The following NEGR1 variants were observed in gnomAD, a reference collection of about 807,000 sequenced individuals.
NEGR1 encodes the protein IgLON family member 4.
In NEGR1, 10 loss-of-function variants were observed where a neutral mutation model predicts 40.9. That is an observed-to-expected ratio of 0.24 (90% CI 0.15 to 0.42). The LOEUF (loss-of-function observed/expected upper bound fraction) is 0.42, where lower values mean the gene tolerates loss of function less well. Ranked by LOEUF, NEGR1 falls within the 10% of genes least tolerant of loss-of-function variation. The pLI is 1.00. For missense variants in NEGR1, 352 were observed against 438.9 expected, an observed-to-expected ratio of 0.80 and a Z score of 1.77; for synonymous variants, 185 against 166.8, an observed-to-expected ratio of 1.11 and a Z score of -0.84.
At chr1:71,510,672 T>C (rs961624478) in intron 6 of NEGR1, among the ~76,000 whole-genome samples, 5 of 152,166 alleles carry the variant, frequency 3.3e-5, no homozygotes, top group African/African-American at 7.2e-5. Flanking sequence ...TGTAACCACA[T>C]AGAACTCAAC....
At chr1:72,047,618 T>C (rs1226192240) in intron 1 of NEGR1, among the ~76,000 whole-genome samples, 3 of 151,482 alleles carry the variant, frequency 2.0e-5, no homozygotes, top group African/African-American at 7.3e-5. Flanking sequence ...TTCAGAGTTT[T>C]TTTTGAAAGG....
intron 6 of NEGR1, chr1:71,422,581 C>T (rs933324176): frequency 6.6e-6 from 1 of 152,198 alleles, no homozygotes; most frequent in African/African-American, 2.4e-5. Flanking sequence ...AAGTCACTTA[C>T]AGGACGTGAA....
chr1:71,667,877 A>C (rs1652293669), intron 4 of NEGR1, among the ~76,000 whole-genome samples: 1 of 152,200 alleles, frequency 6.6e-6, no homozygotes, highest in Admixed American at 6.5e-5. Flanking sequence ...ATCTTTGCTC[A>C]GAGCTTACAA....
At chr1:71,495,340 G>T (rs1034085851) in intron 6 of NEGR1, among the ~76,000 whole-genome samples, 1 of 152,030 alleles carries the variant, frequency 6.6e-6, no homozygotes, top group East Asian at 1.9e-4. Context: ...AGCCAGGCAT[G>T]GTGGCACAGG....
chr1:71,737,174 C>A (rs1655064812), intron 3 of NEGR1, among the ~76,000 whole-genome samples: 1 of 152,126 alleles, frequency 6.6e-6, no homozygotes, highest in South Asian at 2.1e-4. Flanking sequence ...GATTTTTCAA[C>A]TTTTGAAAAG....
intron 2 of NEGR1, among the ~76,000 whole-genome samples, chr1:71,812,576 T>A (rs1658041208): frequency 6.6e-6 from 1 of 152,142 alleles, no homozygotes; most frequent in Admixed American, 6.6e-5. Context: ...CTTGACTTTT[T>A]AATAATCACC....
chr1:72,221,514 T>G (rs1253899993), intron 1 of NEGR1, among the ~76,000 whole-genome samples: 20 of 152,104 alleles, frequency 1.3e-4, no homozygotes, highest in Admixed American at 1.2e-3. Flanking sequence ...ATTTTAGAAA[T>G]TAAAGGAAAC....
At position 72,138,414 on chromosome 1, in the gene NEGR1, A is replaced by C. The variant is rs112558566; in HGVS notation, c.176+143905T>G. ...AAATACAAGTGTTCTAAATACCTTG[A>C]TTCAGAGGCAAAGATTGTCAAATTT... On this transcript the variant is annotated intron_variant, in intron 1 of 6. Coordinates refer to ENST00000357731, the MANE Select transcript of NEGR1 (RefSeq NM_173808.3). 3.2e-3 allele frequency among the ~76,000 whole-genome samples: 489 copies of C among 152,120 alleles called. 3 individuals carry two copies. The highest frequency in any genetic ancestry group is 0.011 in the African/African-American group (470 of 41,552).
Position 72,004,396 on chromosome 1 carries a change from T to A in NEGR1, c.177-69085A>T, listed in dbSNP as rs747071989. 3.9e-4 allele frequency among the ~76,000 whole-genome samples: 59 copies of A among 152,072 alleles called. 1 individual carries two copies. Among genetic ancestry groups the A allele is most frequent in the Non-Finnish European group, 7.5e-4 (51 of 68,000 alleles). On this transcript the variant is annotated intron_variant, in intron 1 of 6. Coordinates refer to ENST00000357731, the MANE Select transcript of NEGR1 (RefSeq NM_173808.3). The stretch of plus-strand genomic sequence containing the variant: ...ATCTCTGCTCATTGCAACCCCTGCC[T>A]CCCGGGTTCAAACTTCAGCCTCCTG...
At chr1:72,050,604 T>C (rs1026997) in intron 1 of NEGR1, among the ~76,000 whole-genome samples, 67,237 of 151,340 alleles carry the variant, frequency 0.44, 15,408 homozygotes, top group Admixed American at 0.5. Flanking sequence ...ACTTGTGTGA[T>C]GACAGCAGTT....
chr1:71,974,162 C>T (rs969724048), intron 1 of NEGR1, among the ~76,000 whole-genome samples: 8 of 152,172 alleles, frequency 5.3e-5, no homozygotes, highest in African/African-American at 1.4e-4. Context: ...GGGCCATGCA[C>T]ATTAGCCACA....
At chr1:71,799,466 C>T (rs1053231800) in intron 2 of NEGR1, among the ~76,000 whole-genome samples, 3 of 152,138 alleles carry the variant, frequency 2.0e-5, no homozygotes, top group African/African-American at 4.8e-5. Flanking sequence ...TGGGTTGGTT[C>T]CAAGTCTTTG....
chr1:71,679,527 A>G (rs1400861944), intron 4 of NEGR1, among the ~76,000 whole-genome samples: 1 of 152,140 alleles, frequency 6.6e-6, no homozygotes, highest in African/African-American at 2.4e-5. Flanking sequence ...TGGTTTATTC[A>G]GCATCACTGC....
At chr1:72,270,542 T>G (rs1047904207) in intron 1 of NEGR1, among the ~76,000 whole-genome samples, 1 of 151,884 alleles carries the variant, frequency 6.6e-6, no homozygotes, top group Admixed American at 6.6e-5. Flanking sequence ...TTGCTAAGTT[T>G]TTAATGCTAG....
intron 2 of NEGR1, among the ~76,000 whole-genome samples, chr1:71,820,205 A>C (rs1434424261): frequency 6.6e-6 from 1 of 152,020 alleles, no homozygotes; most frequent in Non-Finnish European, 1.5e-5. Context: ...CAGACTGCCA[A>C]CATGAGTACT....
chr1:71,968,651 GATAATCAAACATTCTATAGGT>G (rs1422072734), intron 1 of NEGR1, among the ~76,000 whole-genome samples: 1 of 152,172 alleles, frequency 6.6e-6, no homozygotes, highest in Non-Finnish European at 1.5e-5. Context: ...AGTGCTAAAT[GATAATCAAACATTCTATAGGT>G]ATTATTCTGA....
At chr1:71,875,981 C>G (rs935569703) in intron 2 of NEGR1, among the ~76,000 whole-genome samples, 1 of 152,054 alleles carries the variant, frequency 6.6e-6, no homozygotes, top group East Asian at 1.9e-4. Context: ...TACTTCCAAA[C>G]GTTATTTTTC....
chr1:72,007,834 A>G (rs1286954832), intron 1 of NEGR1, among the ~76,000 whole-genome samples: 1 of 152,146 alleles, frequency 6.6e-6, no homozygotes, highest in Non-Finnish European at 1.5e-5. Flanking sequence ...CATTAATACA[A>G]TACTTTGCCT....
intron 1 of NEGR1, among the ~76,000 whole-genome samples, chr1:71,948,744 C>A (rs916117020): frequency 1.3e-5 from 2 of 152,042 alleles, no homozygotes; most frequent in African/African-American, 4.8e-5. Flanking sequence ...CTGGACCTGT[C>A]ATATCTCACT....
Sources: allele counts gnomAD v4.1 joint callset (sites outside exome capture counted in the v4.1 genomes callset), GRCh38; gene constraint gnomAD v4.1.1; transcripts MANE v1.5; gene names NCBI Gene and HGNC (gene_info 2026-07-23, HGNC 2026-07-21).